SEMA4D: variants seen among roughly 807,000 people sequenced by gnomAD.
SEMA4D encodes the protein semaphorin-4D.
In SEMA4D, 22 loss-of-function variants were observed where a neutral mutation model predicts 74.8. That is an observed-to-expected ratio of 0.29 (90% CI 0.21 to 0.42). The LOEUF is 0.42. SEMA4D is among the 10% of genes least tolerant of loss of function. The pLI, the probability that SEMA4D is intolerant of heterozygous loss-of-function variation, is 1.00. For missense variants in SEMA4D, 937 were observed against 1,118.4 expected, an observed-to-expected ratio of 0.84 and a Z score of 2.31; for synonymous variants, 445 against 463.7, an observed-to-expected ratio of 0.96 and a Z score of 0.52.
chr9:89,479,877 C>T (rs1429313248), intron 1 of SEMA4D: 1 of 152,370 alleles, frequency 6.6e-6, no homozygotes, highest in East Asian at 1.9e-4. Context: ...GGAAGGGGAC[C>T]CGAGCGGGTT....
intron 3 of SEMA4D, 23 bp from the exon 4 acceptor site, chr9:89,403,039 C>T: frequency 1.9e-6 from 3 of 1,595,604 alleles, no homozygotes; most frequent in Non-Finnish European, 2.6e-6. Flanking sequence ...AGGGCAGGGT[C>T]AGAGTGGGAG....
chr9:89,437,184 C>G (rs1406319612), intron 2 of SEMA4D, among the ~76,000 whole-genome samples: 1 of 152,190 alleles, frequency 6.6e-6, no homozygotes, highest in Non-Finnish European at 1.5e-5. Flanking sequence ...GGCTGCTCTG[C>G]GGGCCAGCAT....
intron 1 of SEMA4D, among the ~76,000 whole-genome samples, chr9:89,465,027 C>A (rs2135800879): frequency 6.6e-6 from 1 of 152,316 alleles, no homozygotes; most frequent in East Asian, 1.9e-4. Context: ...ACTGAGCACA[C>A]AATAATTAAC....
At chr9:89,399,214 T>A in intron 5 of SEMA4D, 62 bp downstream of exon 5, 1 of 1,386,872 alleles carries the variant, frequency 7.2e-7, no homozygotes, top group Non-Finnish European at 1.0e-6. Context: ...TGGCATTCAG[T>A]AGATTAAAAC....
At chr9:89,441,024 C>T (rs181818620) in intron 2 of SEMA4D, among the ~76,000 whole-genome samples, 117 of 152,352 alleles carry the variant, frequency 7.7e-4, no homozygotes, top group African/African-American at 2.7e-3. Context: ...TTGACCTGCT[C>T]ACCCAGGGAG....
chr9:89,459,673 G>A (rs1449208797), intron 1 of SEMA4D, among the ~76,000 whole-genome samples: 1 of 152,128 alleles, frequency 6.6e-6, no homozygotes, highest in Non-Finnish European at 1.5e-5. Context: ...CATCCTCCCT[G>A]CAAGCCTTGG....
intron 2 of SEMA4D, among the ~76,000 whole-genome samples, chr9:89,428,721 C>A (rs552573049): frequency 1.3e-5 from 2 of 152,264 alleles, no homozygotes; most frequent in South Asian, 2.1e-4. Flanking sequence ...CCTACAGGAC[C>A]ATGGTGCACA....
At chr9:89,380,740 T>C (rs972064309) in intron 15 of SEMA4D, among the ~76,000 whole-genome samples, 1 of 152,162 alleles carries the variant, frequency 6.6e-6, no homozygotes, top group Non-Finnish European at 1.5e-5. Flanking sequence ...TAATCACTCA[T>C]GGGCTCCTTT....
intron 1 of SEMA4D, among the ~76,000 whole-genome samples, chr9:89,463,170 G>C (rs1337567269): frequency 2.6e-5 from 4 of 151,932 alleles, no homozygotes; most frequent in Admixed American, 6.6e-5. Flanking sequence ...GGGAATACCA[G>C]ATGGGGAAAA....
chr9:89,490,906 C>T (rs1825573150), intron 1 of SEMA4D, among the ~76,000 whole-genome samples: 1 of 152,144 alleles, frequency 6.6e-6, no homozygotes, highest in African/African-American at 2.4e-5. Flanking sequence ...AACTGCTCAC[C>T]TCTGCTGCAA....
downstream of SEMA4D, among the ~76,000 whole-genome samples, chr9:89,373,461 C>T (rs1835385202): frequency 6.6e-6 from 1 of 152,194 alleles, no homozygotes; most frequent in Non-Finnish European, 1.5e-5. Flanking sequence ...GCAACCCTGA[C>T]CAGCTGACCT....
At chr9:89,387,134 C>T in intron 12 of SEMA4D, 1 of 456,034 alleles carries the variant, frequency 2.2e-6, no homozygotes, top group Admixed American at 3.9e-5. Context: ...TGCCCCAGCC[C>T]AGCCCAGCCA....
intron 6 of SEMA4D, among the ~76,000 whole-genome samples, chr9:89,394,369 C>T (rs1049492510): frequency 1.3e-5 from 2 of 152,178 alleles, no homozygotes; most frequent in South Asian, 4.1e-4. Flanking sequence ...TACAGAATGG[C>T]AGATGAGGTG....
intron 2 of SEMA4D, chr9:89,450,681 A>AAAAAAAAAAAAAAAAAAAAAAC: frequency 1.2e-6 from 1 of 819,568 alleles, no homozygotes; most frequent in Non-Finnish European, 1.9e-6. Context: ...AAAAAAAAAA[A>AAAAAAAAAAAAAAAAAAAAAAC]AAAAAAGGCC....
At chr9:89,449,751 A>G in intron 2 of SEMA4D, 2 of 1,519,854 alleles carry the variant, frequency 1.3e-6, no homozygotes, top group Non-Finnish European at 1.8e-6. Context: ...GAAAATCTTC[A>G]AGAAAGAAAA....
At chr9:89,478,517 G>C (rs953505067) in intron 1 of SEMA4D, among the ~76,000 whole-genome samples, 6 of 152,188 alleles carry the variant, frequency 3.9e-5, no homozygotes, top group African/African-American at 1.2e-4. Context: ...AAACCACCCA[G>C]TGTGTGGTAC....
chr9:89,445,741 G>C (rs1043946833), intron 2 of SEMA4D, among the ~76,000 whole-genome samples: 1 of 152,118 alleles, frequency 6.6e-6, no homozygotes, highest in Non-Finnish European at 1.5e-5. Flanking sequence ...TGGGAAGCCG[G>C]GTCTTTTTGT....
At chr9:89,367,960 T>C (rs990294504) in intron 16 of SEMA4D, 5 of 152,248 alleles carry the variant, frequency 3.3e-5, no homozygotes, top group South Asian at 2.1e-4. Flanking sequence ...GCTTCGTGGA[T>C]GTGATTACAA....
chr9:89,477,241 A>G (rs551574865), intron 1 of SEMA4D, among the ~76,000 whole-genome samples: 1 of 150,766 alleles, frequency 6.6e-6, no homozygotes, highest in South Asian at 2.1e-4. Context: ...ATATATGCAC[A>G]AGGTACATGC....
Sources: allele counts gnomAD v4.1 joint callset (sites outside exome capture counted in the v4.1 genomes callset), GRCh38; gene constraint gnomAD v4.1.1; transcripts MANE v1.5; gene names NCBI Gene and HGNC (gene_info 2026-07-23, HGNC 2026-07-21).